The following FOXP2 variants were observed in gnomAD, a reference collection of about 807,000 sequenced individuals.
FOXP2 encodes forkhead box protein P2.
In FOXP2, 12 loss-of-function variants were observed where a neutral mutation model predicts 115.8. The ratio of observed to expected loss-of-function variants is 0.10; its 90% confidence interval spans 0.07 to 0.17. The LOEUF is 0.17. Among genes scored for constraint, FOXP2 ranks in the 10% least tolerant of loss-of-function variants. FOXP2 has a pLI of 1.00. For synonymous variants in FOXP2, 328 were observed against 297.7 expected, an observed-to-expected ratio of 1.10 and a Z score of -1.05; for missense variants, 629 against 843.5, an observed-to-expected ratio of 0.75 and a Z score of 3.15.
intron 3 of FOXP2, among the ~76,000 whole-genome samples, chr7:114,555,768 GC>G (rs1212417297): frequency 6.6e-6 from 1 of 152,152 alleles, no homozygotes; most frequent in Non-Finnish European, 1.5e-5. Flanking sequence ...CTGCACTCCA[GC>G]CTGGGCAACA....
intron 2 of FOXP2, among the ~76,000 whole-genome samples, chr7:114,531,372 A>G (rs1313320142): frequency 1.3e-5 from 2 of 151,924 alleles, no homozygotes; most frequent in Admixed American, 6.6e-5. Context: ...GTTTTATCTA[A>G]TAATCTTTCA....
chr7:114,439,527 T>C (rs1794504999), intron 2 of FOXP2, among the ~76,000 whole-genome samples: 1 of 152,070 alleles, frequency 6.6e-6, no homozygotes, highest in South Asian at 2.1e-4. Flanking sequence ...AACAGCATTG[T>C]GTTAAGTGTA....
intron 2 of FOXP2, among the ~76,000 whole-genome samples, chr7:114,459,069 T>A (rs1795446644): frequency 6.6e-6 from 1 of 152,094 alleles, no homozygotes. Context: ...CAATGTTGTC[T>A]CTCATTATTC....
At chr7:114,627,164 C>A (rs1296372069) in intron 3 of FOXP2, among the ~76,000 whole-genome samples, 1 of 147,656 alleles carries the variant, frequency 6.8e-6, no homozygotes, top group Non-Finnish European at 1.5e-5. Context: ...TCTTCTGCTT[C>A]TTCTAACCTC....
chr7:114,483,840 G>A (rs1796658828), intron 2 of FOXP2, among the ~76,000 whole-genome samples: 1 of 151,644 alleles, frequency 6.6e-6, no homozygotes, highest in Non-Finnish European at 1.5e-5. Context: ...ACATTTTAGT[G>A]TAATTAAATT....
At chr7:114,145,989 A>C (rs951097722) in intron 1 of FOXP2, among the ~76,000 whole-genome samples, 1 of 152,154 alleles carries the variant, frequency 6.6e-6, no homozygotes. Context: ...TCTGTATTCT[A>C]TATGTGTTTA....
At chr7:114,189,739 C>T (rs1334793929) in intron 1 of FOXP2, among the ~76,000 whole-genome samples, 3 of 152,112 alleles carry the variant, frequency 2.0e-5, no homozygotes, top group Middle Eastern at 3.2e-3. Context: ...GAGAACGTGA[C>T]TGTTATTGAC....
chr7:114,391,245 G>A (rs1199743158), intron 2 of FOXP2, among the ~76,000 whole-genome samples: 1 of 151,956 alleles, frequency 6.6e-6, no homozygotes. Context: ...GCAACACTAA[G>A]CCCACATTTC....
At chr7:114,153,411 T>G (rs1330172407) in intron 1 of FOXP2, among the ~76,000 whole-genome samples, 1 of 152,178 alleles carries the variant, frequency 6.6e-6, no homozygotes, top group Non-Finnish European at 1.5e-5. Flanking sequence ...CTAGTTTTCC[T>G]TTTTGAACAA....
chr7:114,110,411 TTTAAA>T (rs1284960789), intron 1 of FOXP2, among the ~76,000 whole-genome samples: 19 of 152,216 alleles, frequency 1.2e-4, no homozygotes, highest in African/African-American at 4.3e-4. Flanking sequence ...TCAACTCATC[TTTAAA>T]TTATCATAGG....
intron 1 of FOXP2, among the ~76,000 whole-genome samples, chr7:114,198,618 T>C (rs1793974058): frequency 2.0e-5 from 3 of 152,136 alleles, no homozygotes; most frequent in Non-Finnish European, 4.4e-5. Flanking sequence ...CAGTGGTAAA[T>C]GGTCACTTGG....
At chr7:114,192,424 A>G (rs541102394) in intron 1 of FOXP2, among the ~76,000 whole-genome samples, 2 of 152,304 alleles carry the variant, frequency 1.3e-5, no homozygotes, top group South Asian at 2.1e-4. Flanking sequence ...TGGCAGTTAT[A>G]TGTAAAGCTG....
chr7:114,589,059 C>A (rs1274837774), intron 3 of FOXP2, among the ~76,000 whole-genome samples: 1 of 152,092 alleles, frequency 6.6e-6, no homozygotes, highest in Non-Finnish European at 1.5e-5. Context: ...TGCTCTAAAT[C>A]ATAGCTTTTT....
intron 1 of FOXP2, among the ~76,000 whole-genome samples, chr7:114,222,782 A>G (rs1794656337): frequency 1.3e-5 from 2 of 152,226 alleles, no homozygotes; most frequent in Non-Finnish European, 2.9e-5. Context: ...TTGAAGGACA[A>G]GGAGGAATTA....
intron 2 of FOXP2, among the ~76,000 whole-genome samples, chr7:114,343,067 A>G (rs1036322925): frequency 2.2e-4 from 34 of 151,580 alleles, no homozygotes; most frequent in African/African-American, 8.2e-4. Context: ...GGGATTAGCA[A>G]GTATTGTTTG....
chr7:114,217,994 T>G (rs1419968932), intron 1 of FOXP2, among the ~76,000 whole-genome samples: 2 of 152,148 alleles, frequency 1.3e-5, no homozygotes, highest in Non-Finnish European at 2.9e-5. Flanking sequence ...GATAGTAGGT[T>G]TTATTACAGC....
intron 3 of FOXP2, among the ~76,000 whole-genome samples, chr7:114,574,324 C>T (rs970009163): frequency 3.3e-5 from 5 of 151,542 alleles, no homozygotes; most frequent in Admixed American, 6.6e-5. Flanking sequence ...CTTTAAAAAA[C>T]GAGGGTATAA....
At chr7:114,344,362 T>C (rs1791289758) in intron 2 of FOXP2, among the ~76,000 whole-genome samples, 1 of 151,800 alleles carries the variant, frequency 6.6e-6, no homozygotes, top group Admixed American at 6.6e-5. Flanking sequence ...GTTACAAAGA[T>C]ACAAAGACAT....
At chr7:114,193,744 A>T (rs2129157996) in intron 1 of FOXP2, among the ~76,000 whole-genome samples, 1 of 152,224 alleles carries the variant, frequency 6.6e-6, no homozygotes, top group African/African-American at 2.4e-5. Flanking sequence ...GTGTTTGATT[A>T]TTTAAAAATG....
Sources: gnomAD v4.1 joint callset for allele counts (sites outside exome capture counted in the v4.1 genomes callset) on GRCh38, gnomAD v4.1.1 for gene constraint, MANE v1.5 for transcripts, NCBI Gene and HGNC (gene_info 2026-07-23, HGNC 2026-07-21) for gene names.